Variants in CFAP58 observed in about 807,000 individuals in gnomAD.
The protein encoded by CFAP58 is cilia and flagella associated protein 58.
CFAP58 carries 88 observed loss-of-function variants against 119.5 expected under a neutral mutation model. The ratio of observed to expected loss-of-function variants is 0.74; its 90% confidence interval spans 0.62 to 0.88. The LOEUF is 0.88. Ranked by LOEUF, CFAP58 falls within the 40% of genes least tolerant of loss-of-function variation. The pLI is 0.00. For missense variants in CFAP58, 990 were observed against 1,021.2 expected, an observed-to-expected ratio of 0.97 and a Z score of 0.42; for synonymous variants, 365 against 366.3, an observed-to-expected ratio of 1.00 and a Z score of 0.04.
chr10:104,447,855 A>T, intron 16 of CFAP58, 38 bp downstream of exon 16: 1 of 1,563,822 alleles, frequency 6.4e-7, no homozygotes, highest in Non-Finnish European at 8.7e-7. Context: ...GTTCCAGGGC[A>T]GCCACACTCT....
At chr10:104,342,132 C>A in the CFAP58 span, among the ~76,000 whole-genome samples, 2 of 152,134 alleles carry the variant, frequency 1.3e-5, no homozygotes, top group Non-Finnish European at 2.9e-5. Flanking sequence ...AGTTTCAGGG[C>A]TGATCAAAGG....
the CFAP58 span, among the ~76,000 whole-genome samples, chr10:104,339,492 C>T: frequency 1.1e-4 from 16 of 152,182 alleles, no homozygotes; most frequent in Non-Finnish European, 2.4e-4. Context: ...CTCCATTAAG[C>T]GGCTTTGGGG....
intron 14 of CFAP58, among the ~76,000 whole-genome samples, chr10:104,404,942 A>G (rs557053599): frequency 2.0e-5 from 3 of 152,324 alleles, no homozygotes; most frequent in Admixed American, 2.0e-4. Context: ...GGAAAAGACA[A>G]TATGTATTTT....
chr10:104,446,570 C>A (rs1294484316), intron 15 of CFAP58, among the ~76,000 whole-genome samples: 1 of 152,166 alleles, frequency 6.6e-6, no homozygotes, highest in East Asian at 1.9e-4. Flanking sequence ...GAATACTTAG[C>A]TGTAGGTAAA....
chr10:104,393,287 T>C, intron 10 of CFAP58, 42 bp from the exon 11 acceptor site: 2 of 1,575,488 alleles, frequency 1.3e-6, no homozygotes, highest in Non-Finnish European at 1.7e-6. Context: ...GGGACGATGA[T>C]GTCTAATTCA....
At chr10:104,423,108 T>A (rs2012687378) in intron 15 of CFAP58, among the ~76,000 whole-genome samples, 1 of 152,218 alleles carries the variant, frequency 6.6e-6, no homozygotes, top group Admixed American at 6.5e-5. Context: ...TTCGTTTAAT[T>A]TTTTATTCCC....
At chr10:104,398,294 T>A (rs945596927) in intron 11 of CFAP58, among the ~76,000 whole-genome samples, 1 of 152,244 alleles carries the variant, frequency 6.6e-6, no homozygotes, top group African/African-American at 2.4e-5. Context: ...TTTGGAACTC[T>A]TGGGTGGTGA....
At chr10:104,377,638 G>A (rs2011697502) in intron 8 of CFAP58, among the ~76,000 whole-genome samples, 1 of 152,116 alleles carries the variant, frequency 6.6e-6, no homozygotes, top group Non-Finnish European at 1.5e-5. Flanking sequence ...ATGGTGGCAG[G>A]GTGCTTCTAT....
intron 9 of CFAP58, among the ~76,000 whole-genome samples, chr10:104,386,207 A>G (rs111353808): frequency 0.057 from 8,592 of 151,412 alleles, 583 homozygotes; most frequent in African/African-American, 0.16. Context: ...GTGAAACACC[A>G]TTTCTACTAA....
chr10:104,343,222 A>G, the CFAP58 span, among the ~76,000 whole-genome samples: 1 of 152,244 alleles, frequency 6.6e-6, no homozygotes, highest in Non-Finnish European at 1.5e-5. Context: ...GTGTCAGTTG[A>G]ACAAGACGAA....
At chr10:104,378,450 T>C (rs539527664) in intron 8 of CFAP58, among the ~76,000 whole-genome samples, 18 of 152,354 alleles carry the variant, frequency 1.2e-4, no homozygotes, top group Non-Finnish European at 2.1e-4. Flanking sequence ...TTCAGACCTA[T>C]CTGTGGTTCT....
At chr10:104,430,579 G>A (rs1295015160) in intron 15 of CFAP58, among the ~76,000 whole-genome samples, 1 of 152,148 alleles carries the variant, frequency 6.6e-6, no homozygotes, top group Non-Finnish European at 1.5e-5. Flanking sequence ...GTTGTTGGCT[G>A]TGCAGCGTAA....
intron 15 of CFAP58, among the ~76,000 whole-genome samples, chr10:104,435,198 C>T (rs559436692): frequency 6.6e-6 from 1 of 152,246 alleles, no homozygotes; most frequent in South Asian, 2.1e-4. Context: ...GATAAGTAAA[C>T]AGGCCGGACA....
chr10:104,423,631 A>G (rs932082112), intron 15 of CFAP58, among the ~76,000 whole-genome samples: 1 of 152,138 alleles, frequency 6.6e-6, no homozygotes, highest in Non-Finnish European at 1.5e-5. Flanking sequence ...CAAAGGAAAC[A>G]TTTTCAATAA....
Position 104,357,804 on chromosome 10 carries a change from CACAT to C in CFAP58, c.10-535_10-532del, listed in dbSNP as rs1181330542. 5.9e-4 allele frequency among the ~76,000 whole-genome samples: 87 copies of C among 147,594 alleles called. 1 individual carries two copies. Among genetic ancestry groups the C allele is most frequent in the African/African-American group, 1.9e-3 (74 of 39,056 alleles). On this transcript the variant is annotated intron_variant, in intron 1 of 17. Coordinates refer to ENST00000369704, the MANE Select transcript of CFAP58 (RefSeq NM_001008723.2). ...GTGTGTTTATATACATATATATACA[CACAT>C]ATATATGTACATATATACACATATA...
At chr10:104,361,986 T>A (rs1355663058) in intron 2 of CFAP58, 37 bp from the exon 3 acceptor site, 2 of 1,596,570 alleles carry the variant, frequency 1.3e-6, no homozygotes, top group Non-Finnish European at 1.7e-6. Context: ...TAGAATCCAG[T>A]TTGGTCTTTC....
At chr10:104,344,610 G>T in the CFAP58 span, among the ~76,000 whole-genome samples, 2 of 149,292 alleles carry the variant, frequency 1.3e-5, no homozygotes, top group Non-Finnish European at 2.9e-5. Context: ...TCTTAATGTG[G>T]TCTTTTATAG....
At chr10:104,359,301 C>A (rs182083562) in intron 2 of CFAP58, among the ~76,000 whole-genome samples, 2 of 152,258 alleles carry the variant, frequency 1.3e-5, no homozygotes, top group East Asian at 3.9e-4. Context: ...AGACAGTTGC[C>A]TTGGTATCAT....
At chr10:104,355,718 A>G (rs1164868456) in intron 1 of CFAP58, among the ~76,000 whole-genome samples, 4 of 152,270 alleles carry the variant, frequency 2.6e-5, no homozygotes, top group African/African-American at 9.6e-5. Flanking sequence ...CATCCTTCTG[A>G]AACAGATACC....
Sources: allele counts gnomAD v4.1 joint callset (sites outside exome capture counted in the v4.1 genomes callset), GRCh38; gene constraint gnomAD v4.1.1; transcripts MANE v1.5; gene names NCBI Gene and HGNC (gene_info 2026-07-23, HGNC 2026-07-21).